The following ERC1 variants were observed in gnomAD, a reference collection of about 807,000 sequenced individuals.
ERC1 encodes ELKS/RAB6-interacting/CAST family member 1.
Under a neutral mutation model 132.0 loss-of-function variants are expected in ERC1, and 56 were observed. The ratio of observed to expected loss-of-function variants is 0.42; its 90% CI spans 0.34 to 0.53. The LOEUF is 0.53. Ranked by LOEUF, ERC1 falls within the 20% of genes least tolerant of loss-of-function variation. The pLI is 0.03. For missense variants in ERC1, 1,202 were observed against 1,349.9 expected, an observed-to-expected ratio of 0.89 and a Z score of 1.72; for synonymous variants, 478 against 476.1, an observed-to-expected ratio of 1.00 and a Z score of -0.05.
Position 1,184,170 on chromosome 12 carries a change from G to C in ERC1, c.2157+749G>C, listed in dbSNP as rs145890129. ...AAAAAAAAGAAAAAAAAAAGAATAA[G>C]TGGGAGCATATTTTCTAATTTAACA... On this transcript the variant is annotated intron_variant, in intron 11 of 18. Transcript: ENST00000360905. 7.3e-3 allele frequency among the ~76,000 whole-genome samples: 1,094 copies of C among 150,412 alleles called. 17 individuals carry two copies. Among genetic ancestry groups the C allele is most frequent in the African/African-American group, 0.025 (1,007 of 40,920 alleles).
chr12:1,365,774 T>A (rs561948012), intron 15 of ERC1, among the ~76,000 whole-genome samples: 2 of 152,312 alleles, frequency 1.3e-5, no homozygotes, highest in East Asian at 1.9e-4. Context: ...AGACATTTTT[T>A]AAAATGTAAA....
At chr12:1,419,940 A>G (rs907390973) in intron 17 of ERC1, among the ~76,000 whole-genome samples, 55 of 151,532 alleles carry the variant, frequency 3.6e-4, no homozygotes, top group Admixed American at 2.0e-4. Flanking sequence ...GAAAAGAGGC[A>G]CCTTCCTCTT....
chr12:1,220,265 T>C (rs1344790091), intron 12 of ERC1, among the ~76,000 whole-genome samples: 1 of 152,212 alleles, frequency 6.6e-6, no homozygotes, highest in Non-Finnish European at 1.5e-5. Flanking sequence ...TTTTTGTTAG[T>C]TTATGTTCCC....
chr12:1,464,338 T>C (rs989361001), intron 18 of ERC1, among the ~76,000 whole-genome samples: 1 of 152,074 alleles, frequency 6.6e-6, no homozygotes, highest in Admixed American at 6.6e-5. Context: ...GTTCTGGTGT[T>C]CGTGGCTCGC....
intron 2 of ERC1, among the ~76,000 whole-genome samples, chr12:1,044,430 A>G (rs7311276): frequency 0.53 from 80,425 of 152,034 alleles, 22,680 homozygotes; most frequent in African/African-American, 0.73. Flanking sequence ...TTCAAGGTAG[A>G]TGGGAGAAAA....
At chr12:1,428,583 C>A (rs79235855) in intron 17 of ERC1, among the ~76,000 whole-genome samples, 3,290 of 152,208 alleles carry the variant, frequency 0.022, 44 homozygotes, top group South Asian at 0.049. Context: ...GGAAGACAGG[C>A]CTAACACTTG....
At chr12:1,146,308 G>GTTTGT (rs1950340776) in intron 8 of ERC1, among the ~76,000 whole-genome samples, 7 of 31,812 alleles carry the variant, frequency 2.2e-4, no homozygotes, top group Admixed American at 8.4e-4. Context: ...TATTTTACTG[G>GTTTGT]TTTTTTTTTT....
In ERC1 at chr12:1,236,748, T is replaced by C. The variant is rs377543277; in HGVS notation, c.2352-21T>C. On this transcript the variant is annotated intron_variant, in intron 12 of 18. Transcript: ENST00000360905. ...CTATACATACATATGCAAAGCTTGATTTTTCTCCTTCTGTCATTAGGCAAG... is the reference window on the plus strand; with the variant it reads ...CTATACATACATATGCAAAGCTTGACTTTTCTCCTTCTGTCATTAGGCAAG... The C allele has an allele frequency of 7.8e-5, 126 of 1,609,240 alleles. No homozygotes were observed. The African/African-American group carries it at 1.4e-3, about 18-fold the overall frequency.
intron 7 of ERC1, among the ~76,000 whole-genome samples, chr12:1,135,494 C>G (rs1949160188): frequency 6.6e-6 from 1 of 152,108 alleles, no homozygotes; most frequent in Non-Finnish European, 1.5e-5. Context: ...ATAGTATCCT[C>G]CATAAATCTG....
chr12:1,403,841 G>A (rs2091272265), intron 16 of ERC1, among the ~76,000 whole-genome samples: 2 of 152,176 alleles, frequency 1.3e-5, no homozygotes, highest in Admixed American at 1.3e-4. Context: ...AACTAGCCAA[G>A]TCTACTTTCA....
intron 15 of ERC1, among the ~76,000 whole-genome samples, chr12:1,330,350 A>C (rs1595040878): frequency 6.6e-6 from 1 of 152,308 alleles, no homozygotes. Flanking sequence ...CTTTAGACTC[A>C]TAATGTTATT....
chr12:1,457,265 T>A (rs1268829720), intron 18 of ERC1, among the ~76,000 whole-genome samples: 1 of 152,194 alleles, frequency 6.6e-6, no homozygotes, highest in Non-Finnish European at 1.5e-5. Context: ...TCTCAGAATG[T>A]ATCCCCACCA....
intron 18 of ERC1, among the ~76,000 whole-genome samples, chr12:1,478,164 C>T (rs960307668): frequency 1.3e-5 from 2 of 152,188 alleles, no homozygotes; most frequent in Non-Finnish European, 2.9e-5. Flanking sequence ...TACACTCCCA[C>T]CGGGAGTGTA....
chr12:1,363,959 A>G (rs1331949455), intron 15 of ERC1, among the ~76,000 whole-genome samples: 1 of 152,230 alleles, frequency 6.6e-6, no homozygotes, highest in Non-Finnish European at 1.5e-5. Flanking sequence ...TGTGCTTTGC[A>G]CAGGACTTGC....
At chr12:1,201,358 G>T (rs1210824183) in intron 12 of ERC1, among the ~76,000 whole-genome samples, 1 of 152,174 alleles carries the variant, frequency 6.6e-6, no homozygotes, top group Non-Finnish European at 1.5e-5. Context: ...TGCATTCAAA[G>T]AGTGAATAAA....
intron 15 of ERC1, among the ~76,000 whole-genome samples, chr12:1,361,359 G>C (rs2086101081): frequency 6.6e-6 from 1 of 151,952 alleles, no homozygotes; most frequent in Non-Finnish European, 1.5e-5. Context: ...GTATACATAT[G>C]TAACAAACAT....
chr12:1,021,342 G>A lies in ERC1; in HGVS notation c.-156-6406G>A, dbSNP rs565773732. ...CATTTTTCAGGATTGTGTTTGCAGC[G>A]GGCCACTTTGCGGGAGGAGGTAATG... On this transcript the variant is annotated intron_variant, in intron 1 of 18. Coordinates refer to ENST00000360905, the MANE Select transcript of ERC1 (RefSeq NM_178040.4). Among the ~76,000 whole-genome samples the A allele has an allele frequency of 2.0e-5, 3 of 152,162 alleles. No individual in the cohort carries two copies. In the East Asian group the frequency reaches 5.8e-4, roughly 29 times the overall value.
intron 3 of ERC1, among the ~76,000 whole-genome samples, chr12:1,084,181 C>G (rs1364816195): frequency 6.6e-6 from 1 of 152,148 alleles, no homozygotes; most frequent in East Asian, 1.9e-4. Flanking sequence ...TAATTTTTTA[C>G]TTTTCTAAAT....
intron 1 of ERC1, among the ~76,000 whole-genome samples, chr12:1,020,479 C>G (rs930603966): frequency 2.0e-5 from 3 of 152,058 alleles, no homozygotes; most frequent in Admixed American, 6.6e-5. Context: ...CAAAAAGAAA[C>G]AAACATCTCA....
Sources: gnomAD v4.1 joint callset for allele counts (sites outside exome capture counted in the v4.1 genomes callset) on GRCh38, gnomAD v4.1.1 for gene constraint, MANE v1.5 for transcripts, NCBI Gene and HGNC (gene_info 2026-07-23, HGNC 2026-07-21) for gene names.